CSMD2: variants seen among roughly 807,000 people sequenced by gnomAD.
The protein encoded by CSMD2 is CUB and Sushi multiple domains 2.
In CSMD2, 130 loss-of-function variants were observed where a neutral mutation model predicts 398.5. The ratio of observed to expected loss-of-function variants is 0.33; its 90% CI spans 0.28 to 0.38. CSMD2 has a LOEUF of 0.38. CSMD2 is among the 10% of genes least tolerant of loss of function. CSMD2 has a pLI of 1.00. For missense variants in CSMD2, 3,829 were observed against 4,764.9 expected (o/e 0.80, Z 5.78); for synonymous variants, 1,828 against 1,908.5 (o/e 0.96, Z 1.10).
At chr1:33,987,588 T>C (rs1410778344) in intron 3 of CSMD2, among the ~76,000 whole-genome samples, 1 of 152,172 alleles carries the variant, frequency 6.6e-6, no homozygotes, top group Non-Finnish European at 1.5e-5. Context: ...ATCTCTTCCA[T>C]CTCTGCTGTC....
In CSMD2 at chr1:33,908,214, C is replaced by T. The variant is rs115682077; in HGVS notation, c.920+9880G>A. Among the ~76,000 whole-genome samples the T allele has an allele frequency of 3.4e-3, 521 of 152,008 alleles. 4 individuals are homozygous for T. The highest frequency in any genetic ancestry group is 0.012 in the African/African-American group (510 of 41,442). On this transcript the variant is annotated intron_variant, in intron 5 of 70. Transcript: ENST00000373381. ...CAGTAGCAGGAGAGACGCAAACCAA[C>T]GTGAAACAACATGTAGGTTAAGCTG...
rs1032160862 is a variant in CSMD2, at chr1:33,527,381, T to C, written c.10172-123A>G. The C allele has an allele frequency of 6.1e-6, 4 of 656,302 alleles. No homozygotes were observed. The Admixed American group carries it at 1.3e-4, about 21-fold the overall frequency. 40.7% of individuals were successfully genotyped at this position (656,302 alleles called of 1,614,324 possible). ...TCTTTGAGATCTTGCTTTCCCCTTA[T>C]TTTTTTTAGACCAGGAGGTAGACTG... On this transcript the variant is annotated intron_variant, in intron 64 of 70. Coordinates refer to ENST00000373381, the MANE Select transcript of CSMD2 (RefSeq NM_001281956.2).
At chr1:33,924,088 T>A in intron 4 of CSMD2, among the ~76,000 whole-genome samples, 1 of 152,190 alleles carries the variant, frequency 6.6e-6, no homozygotes, top group Non-Finnish European at 1.5e-5. Context: ...AGATCCACTT[T>A]TTTAACTCCT....
At position 33,949,938 on chromosome 1, in the gene CSMD2, C is replaced by A. The variant is rs199720466; in HGVS notation, c.518-13984G>T. Among the ~76,000 whole-genome samples, 3 of 152,272 alleles carry A rather than the reference C, an allele frequency of 2.0e-5. No individual in the cohort carries two copies. The East Asian group carries it at 5.8e-4, about 30-fold the overall frequency. On this transcript the variant is annotated intron_variant, in intron 3 of 70. Transcript: ENST00000373381. ...AACTGCACATGGCCCAAATTACTCT[C>A]CTGCCCTTGCCCCAAACCCATCTCT...
chr1:33,900,022 C>A (rs371170956), intron 5 of CSMD2, among the ~76,000 whole-genome samples: 1 of 152,026 alleles, frequency 6.6e-6, no homozygotes, highest in African/African-American at 2.4e-5. Context: ...GCTGTCTGCA[C>A]GGAGCATATG....
chr1:33,940,644 G>A (rs75448722), intron 3 of CSMD2, among the ~76,000 whole-genome samples: 1,662 of 152,100 alleles, frequency 0.011, 25 homozygotes, highest in African/African-American at 0.037. Flanking sequence ...TGAGGACCTC[G>A]GTCTTTCTGC....
chr1:34,024,562 C>T (rs182526086), intron 3 of CSMD2, among the ~76,000 whole-genome samples: 7 of 152,278 alleles, frequency 4.6e-5, no homozygotes, highest in African/African-American at 7.2e-5. Context: ...TCAAATGTCA[C>T]GTCTCTATGT....
At chr1:33,705,426 A>C (rs1309965681) in intron 22 of CSMD2, among the ~76,000 whole-genome samples, 2 of 152,170 alleles carry the variant, frequency 1.3e-5, no homozygotes, top group African/African-American at 4.8e-5. Context: ...ATCCCCTGGT[A>C]ACCATAATTT....
Position 33,756,218 on chromosome 1 carries a change from A to G in CSMD2, c.1847-12612T>C, listed in dbSNP as rs7543907. 1.2e-3 allele frequency among the ~76,000 whole-genome samples: 181 copies of G among 152,190 alleles called. 1 individual carries two copies. The highest frequency in any genetic ancestry group is 4.3e-3 in the African/African-American group (177 of 41,502). ...GGCACCTCATCCTCACGTAACTCCT[A>G]AGTGTATGCCTGCAGGAAAGACATT... On this transcript the variant is annotated intron_variant, in intron 13 of 70. Transcript: ENST00000373381.
At chr1:33,585,081 CT>C (rs760589071) in intron 46 of CSMD2, among the ~76,000 whole-genome samples, 5 of 152,174 alleles carry the variant, frequency 3.3e-5, no homozygotes, top group Non-Finnish European at 2.9e-5. Context: ...AAGCAAAGTT[CT>C]GAGGACTAAA....
At chr1:34,037,143 A>G (rs1205843155) in intron 2 of CSMD2, among the ~76,000 whole-genome samples, 1 of 152,198 alleles carries the variant, frequency 6.6e-6, no homozygotes, top group Admixed American at 6.5e-5. Flanking sequence ...TTAAAAAATT[A>G]TATCTATGGC....
chr1:34,004,749 C>A (rs891797962), intron 3 of CSMD2, among the ~76,000 whole-genome samples: 4 of 152,016 alleles, frequency 2.6e-5, no homozygotes, highest in African/African-American at 9.7e-5. Flanking sequence ...AACGAGATGG[C>A]CTGAGGTAGG....
intron 2 of CSMD2, among the ~76,000 whole-genome samples, chr1:34,047,769 G>A (rs1217649515): frequency 1.3e-5 from 2 of 152,190 alleles, no homozygotes; most frequent in Non-Finnish European, 2.9e-5. Flanking sequence ...GGGCATGGCG[G>A]GCTGTGGTAG....
In CSMD2 at chr1:33,810,883, A is replaced by G; in HGVS notation, c.1325-19T>C. The G allele has an allele frequency of 6.2e-7, 1 of 1,607,454 alleles. No individual in the cohort carries two copies. The highest frequency in any genetic ancestry group is 8.5e-7 in the Non-Finnish European group (1 of 1,177,548). On this transcript the variant is annotated intron_variant, in intron 9 of 70. Transcript: ENST00000373381. ...ATGCGGGCTGCAGAGGAGATGAAAG[A>G]CAAGCCTTTGAATTAAGACTAGGTC... is the stretch of plus-strand genomic sequence containing the variant.
intron 5 of CSMD2, among the ~76,000 whole-genome samples, chr1:33,913,165 C>A (rs369161204): frequency 1.3e-5 from 2 of 152,192 alleles, no homozygotes; most frequent in African/African-American, 4.8e-5. Context: ...GATCCAGGAA[C>A]AGAAGTGATG....
In CSMD2 at chr1:33,840,361, G is replaced by A. The variant is rs937847279; in HGVS notation, c.1033+6523C>T. 7.0e-4 allele frequency among the ~76,000 whole-genome samples: 106 copies of A among 152,150 alleles called. 1 individual carries two copies. The highest frequency in any genetic ancestry group is 1.3e-4 in the Admixed American group (2 of 15,282). On this transcript the variant is annotated intron_variant, in intron 6 of 70. Coordinates refer to ENST00000373381, the MANE Select transcript of CSMD2 (RefSeq NM_001281956.2). ...TTCTCTGCCTGGCTACCTCTTATTT[G>A]TAGGTACCCAGGACTTCACTCAAAT...
chr1:34,006,175 G>A lies in CSMD2; in HGVS notation c.517+26419C>T, dbSNP rs147464741. ...ATCACTCACTCCATCCTGAATCCCAGCCAAATACAAAGCCAAGGTGCCTCA... is the reference window on the plus strand; with the variant it reads ...ATCACTCACTCCATCCTGAATCCCAACCAAATACAAAGCCAAGGTGCCTCA... On this transcript the variant is annotated intron_variant, in intron 3 of 70. Coordinates refer to ENST00000373381, the MANE Select transcript of CSMD2 (RefSeq NM_001281956.2). 2.6e-3 allele frequency among the ~76,000 whole-genome samples: 397 copies of A among 152,206 alleles called. 5 individuals are homozygous for A. The highest frequency in any genetic ancestry group is 9.2e-3 in the African/African-American group (383 of 41,532).
intron 15 of CSMD2, among the ~76,000 whole-genome samples, chr1:33,729,239 C>T (rs1327009369): frequency 6.6e-6 from 1 of 152,198 alleles, no homozygotes; most frequent in Non-Finnish European, 1.5e-5. Flanking sequence ...CATCTACAAT[C>T]TCCAGAGAGG....
intron 66 of CSMD2, 61 bp downstream of exon 66, chr1:33,524,821 C>A: frequency 6.4e-7 from 1 of 1,561,120 alleles, no homozygotes; most frequent in Non-Finnish European, 8.8e-7. Context: ...TTAGGCTCAT[C>A]CTTGCCAAGG....
Sources: allele counts gnomAD v4.1 joint callset (sites outside exome capture counted in the v4.1 genomes callset), GRCh38; gene constraint gnomAD v4.1.1; transcripts MANE v1.5; gene names NCBI Gene and HGNC (gene_info 2026-07-23, HGNC 2026-07-21).